Variants in DOCK8 observed in about 807,000 individuals in gnomAD.
DOCK8 encodes dedicator of cytokinesis protein 8.
In DOCK8, 141 loss-of-function variants were observed where a neutral mutation model predicts 245.6. That is an observed-to-expected ratio of 0.57 (90% CI 0.50 to 0.66). DOCK8 has a LOEUF of 0.66. Ranked by LOEUF, DOCK8 falls within the 30% of genes least tolerant of loss-of-function variation. The pLI is 0.00. For missense variants in DOCK8, 2,965 were observed against 2,603.4 expected (o/e 1.14, Z -3.02); for synonymous variants, 1,168 against 970.2 (o/e 1.20, Z -3.79).
chr9:256,325 T>C (rs2047774320), intron 1 of DOCK8, among the ~76,000 whole-genome samples: 2 of 152,206 alleles, frequency 1.3e-5, no homozygotes, highest in African/African-American at 4.8e-5. Context: ...GATATGCCAA[T>C]ACAGGCAAGA....
intron 24 of DOCK8, among the ~76,000 whole-genome samples, chr9:391,365 TTTGGGTCTCTC>T (rs1262254549): frequency 6.6e-6 from 1 of 152,152 alleles, no homozygotes; most frequent in Non-Finnish European, 1.5e-5. Flanking sequence ...ATTTTCAGGA[TTTGGGTCTCTC>T]TTGTGTATTA....
At chr9:248,776 T>A (rs1387717463) in intron 1 of DOCK8, among the ~76,000 whole-genome samples, 1 of 152,206 alleles carries the variant, frequency 6.6e-6, no homozygotes, top group Non-Finnish European at 1.5e-5. Context: ...TTATTGCTCA[T>A]AGATTCAGTT....
At chr9:376,495 G>A (rs757720795) in intron 19 of DOCK8, among the ~76,000 whole-genome samples, 190 bp downstream of exon 19, 4 of 152,140 alleles carry the variant, frequency 2.6e-5, no homozygotes, top group Non-Finnish European at 4.4e-5. Context: ...TTACAAAACC[G>A]CCGAGCACCT....
intron 42 of DOCK8, 52 bp from the exon 43 acceptor site, chr9:443,375 A>G: frequency 2.6e-6 from 4 of 1,517,000 alleles, no homozygotes; most frequent in Non-Finnish European, 3.7e-6. Context: ...GAAGACAAAG[A>G]GTTGCATTAT....
intron 27 of DOCK8, 71 bp from the exon 28 acceptor site, chr9:406,859 G>A: frequency 6.2e-7 from 1 of 1,605,906 alleles, no homozygotes. Context: ...CGAGGACTCA[G>A]TAAACACTGG....
At position 359,803 on chromosome 9, in the gene DOCK8, C is replaced by CAA. The variant is rs67236172; in HGVS notation, c.1680-8195_1680-8194dup. ...CATCAATTTTTTGGCTCTGTCTTTG[C>CAA]AAAAAAAAAAAAAAAAAAAAATTAC... is the stretch of plus-strand genomic sequence containing the variant. On this transcript the variant is annotated intron_variant, in intron 14 of 47. Transcript: ENST00000432829. 4.1e-4 allele frequency among the ~76,000 whole-genome samples: 45 copies of CAA among 108,466 alleles called. 1 individual carries two copies. Among genetic ancestry groups the CAA allele is most frequent in the East Asian group, 1.7e-3 (4 of 2,402 alleles). 71.2% of individuals were successfully genotyped at this position (108,466 alleles called of 152,430 possible).
intron 6 of DOCK8, among the ~76,000 whole-genome samples, chr9:313,210 C>T (rs2050202179): frequency 6.6e-6 from 1 of 152,234 alleles, no homozygotes; most frequent in African/African-American, 2.4e-5. Context: ...GCACCTTCCT[C>T]TTTGATGATC....
intron 2 of DOCK8, among the ~76,000 whole-genome samples, chr9:280,493 G>T (rs189278720): frequency 2.0e-5 from 3 of 152,178 alleles, no homozygotes; most frequent in Non-Finnish European, 4.4e-5. Context: ...TTAAAAGTCC[G>T]CAGGGCAGAT....
At chr9:271,863 C>A (rs563820297) in intron 2 of DOCK8, 134 bp downstream of exon 2, 25 of 682,750 alleles carry the variant, frequency 3.7e-5, no homozygotes, top group Non-Finnish European at 6.4e-5. Flanking sequence ...AACTCTGTGA[C>A]TGTGTCTGGA....
chr9:220,526 G>A (rs1041190906), intron 1 of DOCK8, among the ~76,000 whole-genome samples: 1 of 152,054 alleles, frequency 6.6e-6, no homozygotes. Flanking sequence ...TCAACTTTCC[G>A]TCCTCTTTAA....
At chr9:317,168 A>T in intron 7 of DOCK8, 40 bp downstream of exon 7, 1 of 1,452,078 alleles carries the variant, frequency 6.9e-7, no homozygotes, top group East Asian at 2.3e-5. Flanking sequence ...TTTGAGATTT[A>T]TCTTGCCTTT....
intron 14 of DOCK8, among the ~76,000 whole-genome samples, chr9:342,944 C>T (rs2051682269): frequency 6.6e-6 from 1 of 152,114 alleles, no homozygotes; most frequent in Non-Finnish European, 1.5e-5. Flanking sequence ...TTTAATATAT[C>T]TAAAAGTGAA....
At chr9:403,922 A>AGTT (rs2055258517) in intron 26 of DOCK8, among the ~76,000 whole-genome samples, 2 of 79,464 alleles carry the variant, frequency 2.5e-5, no homozygotes, top group East Asian at 3.6e-4. Flanking sequence ...ATATACATAT[A>AGTT]TATATATGTG....
At chr9:296,792 T>C (rs952409422) in intron 4 of DOCK8, among the ~76,000 whole-genome samples, 3 of 152,148 alleles carry the variant, frequency 2.0e-5, no homozygotes, top group African/African-American at 7.2e-5. Flanking sequence ...CAAAGAGCAA[T>C]CCAGCTGTGG....
chr9:264,153 C>G (rs934064082), intron 1 of DOCK8, among the ~76,000 whole-genome samples: 2 of 152,142 alleles, frequency 1.3e-5, no homozygotes. Context: ...TACAGGTGTT[C>G]TTTTAGGTGA....
Position 384,629 on chromosome 9 carries a change from G to A in DOCK8, c.2779-1702G>A, listed in dbSNP as rs139922630. 1.4e-3 allele frequency among the ~76,000 whole-genome samples: 219 copies of A among 152,282 alleles called. 1 individual carries two copies. The highest frequency in any genetic ancestry group is 4.9e-3 in the African/African-American group (203 of 41,552). Reference sequence around the variant, plus strand: ...CTACCCTGGGTCTTTTAAAAACACTGGATTTGGCCGGGCACCGTGGCTCAT... The same window carrying A: ...CTACCCTGGGTCTTTTAAAAACACTAGATTTGGCCGGGCACCGTGGCTCAT... On this transcript the variant is annotated intron_variant, in intron 22 of 47. Transcript: ENST00000432829.
upstream of DOCK8, among the ~76,000 whole-genome samples, chr9:212,065 T>G (rs1001096349): frequency 8.5e-5 from 13 of 152,204 alleles, no homozygotes; most frequent in Admixed American, 6.5e-5. Context: ...GTAATCTTGG[T>G]CAAGTCACTT....
intron 14 of DOCK8, among the ~76,000 whole-genome samples, chr9:364,109 G>A (rs549862414): frequency 9.4e-4 from 143 of 152,232 alleles, no homozygotes; most frequent in Non-Finnish European, 1.7e-3. Flanking sequence ...CTGCAGAGGG[G>A]CATGATATAT....
At chr9:218,431 C>T (rs1202926450) in intron 1 of DOCK8, among the ~76,000 whole-genome samples, 1 of 152,164 alleles carries the variant, frequency 6.6e-6, no homozygotes, top group East Asian at 1.9e-4. Flanking sequence ...GTGCTATATA[C>T]TTGTCTTCAT....
Sources: gnomAD v4.1 joint callset for allele counts (sites outside exome capture counted in the v4.1 genomes callset) on GRCh38, gnomAD v4.1.1 for gene constraint, MANE v1.5 for transcripts, NCBI Gene and HGNC (gene_info 2026-07-23, HGNC 2026-07-21) for gene names.